LMO1: variants seen among roughly 807,000 people sequenced by gnomAD.
LMO1 encodes LIM domain only 1.
A neutral mutation model predicts 18.0 loss-of-function variants in LMO1; 10 were observed. The ratio of observed to expected loss-of-function variants is 0.55; its 90% confidence interval spans 0.34 to 0.94. The LOEUF (loss-of-function observed/expected upper bound fraction) is 0.94, where lower values mean the gene tolerates loss of function less well. Among genes scored for constraint, LMO1 ranks in the 40% least tolerant of loss-of-function variants. The pLI, the probability that LMO1 is intolerant of heterozygous loss-of-function variation, is 0.02. For synonymous variants in LMO1, 77 were observed against 77.9 expected (o/e 0.99, Z 0.06); for missense variants, 183 against 205.7 (o/e 0.89, Z 0.68).
At chr11:8,261,271 A>G (rs10840004) in intron 1 of LMO1, among the ~76,000 whole-genome samples, 78,117 of 151,920 alleles carry the variant, frequency 0.51, 20,244 homozygotes, top group Middle Eastern at 0.66. Context: ...GGGCATCTGG[A>G]GCTCTCTTCC....
intron 1 of LMO1, among the ~76,000 whole-genome samples, chr11:8,261,043 G>C (rs1256718940): frequency 1.3e-5 from 2 of 152,134 alleles, no homozygotes; most frequent in African/African-American, 4.8e-5. Context: ...AAGGTTTCCT[G>C]GAACTATGGG....
intron 1 of LMO1, among the ~76,000 whole-genome samples, chr11:8,233,667 C>T (rs538640676): frequency 6.6e-6 from 1 of 151,892 alleles, no homozygotes; most frequent in South Asian, 2.1e-4. Context: ...AGGGTCCAGG[C>T]CCTCCCTCCT....
chr11:8,242,245 A>G (rs1846807794), intron 1 of LMO1, among the ~76,000 whole-genome samples: 1 of 152,210 alleles, frequency 6.6e-6, no homozygotes. Context: ...CCTTTAGATA[A>G]AAGAGCAGCA....
intron 1 of LMO1, among the ~76,000 whole-genome samples, chr11:8,246,418 G>C (rs1233405691): frequency 6.6e-6 from 1 of 152,170 alleles, no homozygotes; most frequent in Admixed American, 6.5e-5. Context: ...CAAACATTAT[G>C]CCAAGAAAGA....
intron 1 of LMO1, among the ~76,000 whole-genome samples, chr11:8,239,789 G>A (rs535137881): frequency 5.3e-5 from 8 of 152,294 alleles, no homozygotes; most frequent in African/African-American, 9.6e-5. Context: ...TCTCCTGCAC[G>A]CTAGAGCCCA....
In LMO1 at chr11:8,229,737, G is replaced by C. The variant is rs140159726; in HGVS notation, c.239+554C>G. Among the ~76,000 whole-genome samples, 6 of 152,372 alleles carry C rather than the reference G, an allele frequency of 3.9e-5. No individual in the cohort carries two copies. In the East Asian group the frequency reaches 5.8e-4, roughly 15 times the overall value. ...ATTAGGAGCCAAAGGCTCACAGCTAGTTCCAACCCAGGTCTTGAAGCTCCA... is the reference window on the plus strand; with the variant it reads ...ATTAGGAGCCAAAGGCTCACAGCTACTTCCAACCCAGGTCTTGAAGCTCCA... On this transcript the variant is annotated intron_variant, in intron 2 of 3. Coordinates refer to ENST00000335790, the MANE Select transcript of LMO1 (RefSeq NM_002315.3).
chr11:8,240,261 C>T (rs975396490), intron 1 of LMO1, among the ~76,000 whole-genome samples: 1 of 152,168 alleles, frequency 6.6e-6, no homozygotes, highest in African/African-American at 2.4e-5. Flanking sequence ...GAGTACAAAG[C>T]GGGAAGCTTC....
In LMO1 at chr11:8,251,237, C is replaced by G. The variant is rs375987776; in HGVS notation, c.25+12101G>C. Among the ~76,000 whole-genome samples the G allele has an allele frequency of 1.7e-3, 257 of 152,264 alleles. 1 individual carries two copies. The highest frequency in any genetic ancestry group is 6.0e-3 in the African/African-American group (249 of 41,554). ...ACCAAGACCCAGAAAGGGGAAGGGA[C>G]CAGCCTAAGGACACACTGTGAGGTG... On this transcript the variant is annotated intron_variant, in intron 1 of 3. Transcript: ENST00000335790.
chr11:8,262,609 A>G (rs1847204828), intron 1 of LMO1, among the ~76,000 whole-genome samples: 1 of 152,102 alleles, frequency 6.6e-6, no homozygotes, highest in Non-Finnish European at 1.5e-5. Flanking sequence ...TCGACCACGG[A>G]AGGTCCGTGC....
intron 1 of LMO1, among the ~76,000 whole-genome samples, chr11:8,244,089 T>C (rs954755054): frequency 1.3e-5 from 2 of 152,150 alleles, no homozygotes; most frequent in African/African-American, 2.4e-5. Context: ...ACCCTGTGGG[T>C]AAGAGACAAC....
chr11:8,256,987 G>A (rs1207016456), intron 1 of LMO1, among the ~76,000 whole-genome samples: 1 of 152,226 alleles, frequency 6.6e-6, no homozygotes, highest in Non-Finnish European at 1.5e-5. Context: ...TAGGTCCAGA[G>A]TCCCAGATGA....
chr11:8,232,933 G>A (rs559561300), intron 1 of LMO1, among the ~76,000 whole-genome samples: 10 of 152,272 alleles, frequency 6.6e-5, no homozygotes, highest in Non-Finnish European at 1.3e-4. Context: ...CCTGGCTCCC[G>A]CAGGGTTGTA....
chr11:8,239,216 C>A (rs550787788), intron 1 of LMO1, among the ~76,000 whole-genome samples: 1 of 152,202 alleles, frequency 6.6e-6, no homozygotes, highest in Non-Finnish European at 1.5e-5. Context: ...TCCGGTGCAG[C>A]CTGGATGCCA....
chr11:8,250,593 T>C (rs1466775541), intron 1 of LMO1, among the ~76,000 whole-genome samples: 1 of 152,230 alleles, frequency 6.6e-6, no homozygotes, highest in East Asian at 1.9e-4. Flanking sequence ...CACTGCTCCC[T>C]GGAGCCCTGG....
intron 1 of LMO1, among the ~76,000 whole-genome samples, chr11:8,251,275 G>A (rs547359419): frequency 6.6e-6 from 1 of 152,290 alleles, no homozygotes; most frequent in South Asian, 2.1e-4. Context: ...GGCAGAGCTG[G>A]GATGTGGATG....
At chr11:8,231,161 C>T (rs1952650409) in intron 1 of LMO1, among the ~76,000 whole-genome samples, 1 of 152,174 alleles carries the variant, frequency 6.6e-6, no homozygotes, top group Non-Finnish European at 1.5e-5. Context: ...CCTCACCTGC[C>T]CTGGCCTGGG....
At chr11:8,239,021 C>T (rs1952809279) in intron 1 of LMO1, among the ~76,000 whole-genome samples, 1 of 152,194 alleles carries the variant, frequency 6.6e-6, no homozygotes, top group Non-Finnish European at 1.5e-5. Flanking sequence ...CATATTAACT[C>T]TGATGCACTA....
chr11:8,236,810 G>A (rs1227462690), intron 1 of LMO1, among the ~76,000 whole-genome samples: 9 of 152,210 alleles, frequency 5.9e-5, no homozygotes, highest in Admixed American at 5.9e-4. Context: ...TAGGTGCTCA[G>A]TAAGTTGCAT....
chr11:8,237,858 C>T (rs1461250596), intron 1 of LMO1, among the ~76,000 whole-genome samples: 4 of 152,224 alleles, frequency 2.6e-5, no homozygotes, highest in Admixed American at 2.0e-4. Flanking sequence ...CACACAGCCT[C>T]GGCTTGAATT....
Sources: gnomAD v4.1 joint callset for allele counts (sites outside exome capture counted in the v4.1 genomes callset) on GRCh38, gnomAD v4.1.1 for gene constraint, MANE v1.5 for transcripts, NCBI Gene and HGNC (gene_info 2026-07-23, HGNC 2026-07-21) for gene names.